LILRB1: variants seen among roughly 807,000 people sequenced by gnomAD.
The protein encoded by LILRB1 is leukocyte immunoglobulin like receptor B1.
Under a neutral mutation model 74.6 loss-of-function variants are expected in LILRB1, and 59 were observed. The ratio of observed to expected loss-of-function variants is 0.79; its 90% CI spans 0.64 to 0.98. LILRB1 has a LOEUF of 0.98. Ranked by LOEUF, LILRB1 falls within the 50% of genes least tolerant of loss-of-function variation. LILRB1 has a pLI of 0.00. For synonymous variants in LILRB1, 328 were observed against 333.9 expected, an observed-to-expected ratio of 0.98 and a Z score of 0.19; for missense variants, 804 against 822.6, an observed-to-expected ratio of 0.98 and a Z score of 0.28.
At position 54,636,229 on chromosome 19, in the gene LILRB1, A is replaced by C. The variant is rs1000204124; in HGVS notation, c.1654-265A>C. 6.2e-6 allele frequency: 4 copies of C among 648,998 alleles called. No homozygotes were observed. The African/African-American group carries it at 7.3e-5, about 12-fold the overall frequency. 40.2% of individuals were successfully genotyped at this position (648,998 alleles called of 1,614,324 possible). On this transcript the variant is annotated intron_variant, in intron 13 of 14. Transcript: ENST00000324602. ...CTGATGGACGAGCCCCTGCAGGCAG[A>C]GGAAACAACCCTGCAAAGGCCCCCA...
upstream of LILRB1, among the ~76,000 whole-genome samples, chr19:54,627,580 A>C (rs539816545): frequency 1.1e-4 from 16 of 152,358 alleles, no homozygotes; most frequent in African/African-American, 3.6e-4. Context: ...GAATTCAGAT[A>C]AGATGCTCTC....
rs56837969 is a variant in LILRB1, at chr19:54,637,949, A to ATG, written c.*1085_*1086dup. ...AATCAGAGAATCTGACTCATTTTAG[A>ATG]TGTGTGTGTGTGTGTATATATATGT... On this transcript the variant is annotated 3_prime_UTR_variant, in exon 15 of 15. Transcript: ENST00000324602. 1.7e-3 allele frequency among the ~76,000 whole-genome samples: 264 copies of ATG among 151,968 alleles called. No homozygotes were observed. The highest frequency in any genetic ancestry group is 2.4e-3 in the Non-Finnish European group (164 of 67,946).
rs753492661 is a variant in LILRB1, at chr19:54,631,579, G to A, written c.150G>A (p.Gln50=). 5.6e-6 allele frequency: 9 copies of A among 1,614,100 alleles called. No individual in the cohort carries two copies. In the South Asian group the frequency reaches 9.9e-5, roughly 18 times the overall value. The change falls in exon 4 of 15, where the codon CAG becomes CAA. Residue 50 remains glutamine, a synonymous_variant. Coordinates refer to ENST00000324602, the MANE Select transcript of LILRB1 (RefSeq NM_001081637.3). ...TQGSPVTLRC[Q]GGQETQEYRL... ...GGAGTCCTGTGACCCTCAGGTGTCA[G>A]GGGGGCCAGGAGACCCAGGAGTACC...
At position 54,636,655 on chromosome 19, in the gene LILRB1, G is replaced by A; in HGVS notation, c.1812+3G>A. On this transcript the variant is annotated splice_donor_region_variant and intron_variant, in intron 14 of 14. Transcript: ENST00000324602. ...AGGACAGGCAGATGGACACTGAGGT[G>A]AGTCCTTTCCTCTCCAGGCCCCCAG... 2 of 1,610,846 alleles carry A rather than the reference G, an allele frequency of 1.2e-6. No individual in the cohort carries two copies. The highest frequency in any genetic ancestry group is 1.7e-6 in the Non-Finnish European group (2 of 1,178,910).
At position 54,621,131 on chromosome 19, in the gene LILRB1, C is replaced by T. The variant is rs182903200; in HGVS notation, c.-166+3782C>T. ...TCAGGTGATCTGCCTGTCTTGGCCT[C>T]CCAAAGTGCTGGGATTACAGGCGTG... On this transcript the variant is annotated intron_variant, in intron 1 of 15. Coordinates refer to the LILRB1 transcript ENST00000396331. 2.5e-3 allele frequency among the ~76,000 whole-genome samples: 381 copies of T among 152,336 alleles called. 2 individuals are homozygous for T. The highest frequency in any genetic ancestry group is 8.6e-3 in the African/African-American group (357 of 41,570).
At chr19:54,623,261 T>C (rs2063499166) in intron 1 of LILRB1, among the ~76,000 whole-genome samples, 1 of 152,230 alleles carries the variant, frequency 6.6e-6, no homozygotes, top group Non-Finnish European at 1.5e-5. Context: ...GTTGTGTATA[T>C]GGCAAATTTC....
At chr19:54,635,518 A>G in intron 12 of LILRB1, 39 bp from the exon 13 acceptor site, 1 of 1,593,502 alleles carries the variant, frequency 6.3e-7, no homozygotes, top group Non-Finnish European at 8.5e-7. Flanking sequence ...GTCCCAGGGA[A>G]CCTTCCCAAG....
intron 1 of LILRB1, among the ~76,000 whole-genome samples, chr19:54,623,056 T>C (rs1444882222): frequency 6.6e-6 from 1 of 152,198 alleles, no homozygotes; most frequent in Non-Finnish European, 1.5e-5. Flanking sequence ...ACTGTTAGAT[T>C]CCGTTTAATA....
upstream of LILRB1, among the ~76,000 whole-genome samples, chr19:54,629,661 C>T (rs528702382): frequency 1.9e-4 from 28 of 148,856 alleles, no homozygotes; most frequent in African/African-American, 7.0e-4. Flanking sequence ...GACGCAGCCT[C>T]CCACCTTGGT....
upstream of LILRB1, among the ~76,000 whole-genome samples, chr19:54,629,015 G>C (rs563454914): frequency 2.0e-5 from 3 of 152,298 alleles, no homozygotes; most frequent in Admixed American, 6.5e-5. Flanking sequence ...ACTGTGGCTT[G>C]CCATGCCATG....
upstream of LILRB1, among the ~76,000 whole-genome samples, chr19:54,626,973 G>T (rs1048685795): frequency 1.3e-5 from 2 of 152,222 alleles, no homozygotes; most frequent in Non-Finnish European, 2.9e-5. Flanking sequence ...ATGCACACCC[G>T]GGAAGGTGGC....
rs779111616 is a variant in LILRB1, at chr19:54,634,762, G to A, written c.1485G>A (p.Ser495=). The A allele has an allele frequency of 3.9e-5, 63 of 1,613,634 alleles. 1 individual carries two copies. The highest frequency in any genetic ancestry group is 5.2e-5 in the Non-Finnish European group (61 of 1,179,822). ...GACGTCAGGGCAAACACTGGACATC[G>A]AGTGAGTAGGGAATGGGGGGACCCT... The part of the protein sequence containing the change: ...RHRRQGKHWT[S]TQRKADFQHP... The change falls in exon 10 of 15, where the codon TCG becomes TCA. Residue 495 remains serine, a splice_region_variant and synonymous_variant. Coordinates refer to ENST00000324602, the MANE Select transcript of LILRB1 (RefSeq NM_001081637.3).
rs557029140 is a variant in LILRB1, at chr19:54,620,976, G to C, written c.-166+3627G>C. Reference sequence around the variant, plus strand: ...CAACCTCCGGCTCCTGGGTTCAAGCGATTCTCCTGCCTTAGCCTCCCAAGT... The same window carrying C: ...CAACCTCCGGCTCCTGGGTTCAAGCCATTCTCCTGCCTTAGCCTCCCAAGT... On this transcript the variant is annotated intron_variant, in intron 1 of 15. Transcript: ENST00000396331. 2.1e-4 allele frequency among the ~76,000 whole-genome samples: 32 copies of C among 152,222 alleles called. No individual in the cohort carries two copies. In the South Asian group the frequency reaches 3.3e-3, roughly 16 times the overall value.
chr19:54,620,057 A>G (rs567285137), intron 1 of LILRB1, among the ~76,000 whole-genome samples: 1 of 152,100 alleles, frequency 6.6e-6, no homozygotes, highest in East Asian at 1.9e-4. Context: ...GGTTTTGCAA[A>G]AAAAAAAGTA....
intron 1 of LILRB1, among the ~76,000 whole-genome samples, chr19:54,617,771 A>G (rs1328771516): frequency 6.6e-6 from 1 of 152,032 alleles, no homozygotes; most frequent in East Asian, 1.9e-4. Context: ...AGGGTTATTT[A>G]GCTGACAACT....
chr19:54,617,365 T>C (rs2063333196), intron 1 of LILRB1: 1 of 152,200 alleles, frequency 6.6e-6, no homozygotes, highest in African/African-American at 2.4e-5. Context: ...AGAGCCCTAA[T>C]GGCGGCTTGC....
intron 1 of LILRB1, among the ~76,000 whole-genome samples, chr19:54,620,778 T>A (rs2063435202): frequency 6.6e-6 from 1 of 152,222 alleles, no homozygotes. Flanking sequence ...TTAAAATCAA[T>A]CAACCGTTGG....
rs1327039581 is a variant in LILRB1 at position 54,636,996 on chromosome 19, CT to C, written c.*122del. 1.6e-6 allele frequency: 2 copies of C among 1,278,802 alleles called. No homozygotes were observed. Among genetic ancestry groups the C allele is most frequent in the South Asian group, 1.4e-5 (1 of 70,826 alleles). The allele number at this position is 1,278,802 out of a possible 1,614,324, so 79.2% of individuals were successfully genotyped here. The stretch of plus-strand genomic sequence containing the variant: ...GATCTACCCCAGGAGACTCTGGGAA[CT>C]TTTAGGGGTCACTCAATTCTGCAGT... On this transcript the variant is annotated 3_prime_UTR_variant, in exon 15 of 15. Transcript: ENST00000324602.
chr19:54,635,042 G>C (rs2064269109), intron 10 of LILRB1, 62 bp from the exon 11 acceptor site: 1 of 1,251,518 alleles, frequency 8.0e-7, no homozygotes, highest in Admixed American at 2.7e-5. Flanking sequence ...CCTTCGAGCT[G>C]TGTGTGCAGG....
Sources: allele counts gnomAD v4.1 joint callset (sites outside exome capture counted in the v4.1 genomes callset), GRCh38; gene constraint gnomAD v4.1.1; transcripts MANE v1.5; gene names NCBI Gene and HGNC (gene_info 2026-07-23, HGNC 2026-07-21).